The following CISD1 variants were observed in gnomAD, a reference collection of about 807,000 sequenced individuals.
The protein encoded by CISD1 is CDGSH iron sulfur domain 1, also known as CDGSH iron-sulfur domain-containing protein 1.
In CISD1, 8 loss-of-function variants were observed where a neutral mutation model predicts 12.0. The ratio of observed to expected loss-of-function variants is 0.67; its 90% CI spans 0.39 to 1.20. The LOEUF is 1.20. Ranked by LOEUF, CISD1 falls within the 50% of genes most tolerant of loss-of-function variation. The probability of loss-of-function intolerance (pLI) is 0.01; values close to 1 mark genes in which losing one functional copy is unlikely to be tolerated. For missense variants in CISD1, 107 were observed against 132.7 expected (o/e 0.81, Z 0.95); for synonymous variants, 38 against 42.2 (o/e 0.90, Z 0.39).
At chr10:58,274,305 A>G (rs912504972) in intron 1 of CISD1, among the ~76,000 whole-genome samples, 1 of 151,712 alleles carries the variant, frequency 6.6e-6, no homozygotes, top group Non-Finnish European at 1.5e-5. Context: ...CTAATTGTTG[A>G]TTTTTGGACC....
At chr10:58,285,462 C>T (rs887480504) in intron 2 of CISD1, among the ~76,000 whole-genome samples, 2 of 152,174 alleles carry the variant, frequency 1.3e-5, no homozygotes, top group African/African-American at 4.8e-5. Flanking sequence ...CTTTACTCTT[C>T]TAAATAGGCT....
At chr10:58,286,306 T>C (rs1357935773) in intron 2 of CISD1, among the ~76,000 whole-genome samples, 1 of 152,028 alleles carries the variant, frequency 6.6e-6, no homozygotes, top group Admixed American at 6.5e-5. Context: ...AGTAGGCCGA[T>C]CAACGTAACA....
chr10:58,278,686 A>G (rs1839342156), intron 2 of CISD1, among the ~76,000 whole-genome samples: 1 of 152,238 alleles, frequency 6.6e-6, no homozygotes, highest in African/African-American at 2.4e-5. Flanking sequence ...ACTTGTCACA[A>G]ATATGGAAGA....
chr10:58,269,358 C>T (rs907836482), intron 1 of CISD1, 54 bp downstream of exon 1: 21 of 1,543,042 alleles, frequency 1.4e-5, no homozygotes, highest in Admixed American at 8.6e-5. Context: ...GGTTGCCGCG[C>T]CCGCAGTTCG....
chr10:58,277,300 G>A lies in CISD1; in HGVS notation c.215G>A (p.Cys72Tyr), dbSNP rs1839326197. Residue 72 changes from cysteine to tyrosine, a missense_variant, in exon 2 of 3, where the codon TGC becomes TAC. Coordinates refer to ENST00000333926, the MANE Select transcript of CISD1 (RefSeq NM_018464.5). ...MEDLGDKAVY[C>Y]RCWRSKKFPF... ...GATTTGGGAGATAAAGCTGTGTACT[G>A]CCGTTGTTGGAGGTCCAAAAAGGTG... is the stretch of plus-strand genomic sequence containing the variant. 6.3e-7 allele frequency: 1 copy of A among 1,592,802 alleles called. No homozygotes were observed. The highest frequency in any genetic ancestry group is 8.5e-7 in the Non-Finnish European group (1 of 1,170,882).
At position 58,287,551 on chromosome 10, in the gene CISD1, C is replaced by T. The variant is rs755481995; in HGVS notation, c.238-10C>T. Reference sequence around the variant, plus strand: ...ATTAGATGTTTCACATTCATTCTTTCTCTTCCTAGTTCCCATTCTGTGATG... The same window carrying T: ...ATTAGATGTTTCACATTCATTCTTTTTCTTCCTAGTTCCCATTCTGTGATG... On this transcript the variant is annotated splice_polypyrimidine_tract_variant and intron_variant, in intron 2 of 2. Transcript: ENST00000333926. 8.2e-6 allele frequency: 13 copies of T among 1,588,054 alleles called. No individual in the cohort carries two copies. Among genetic ancestry groups the T allele is most frequent in the South Asian group, 1.1e-5 (1 of 88,166 alleles).
Position 58,272,976 on chromosome 10 carries a change from G to A in CISD1, c.31+3672G>A, listed in dbSNP as rs556459407. ...CTATAGACTGGCCAAATTGATGGTG[G>A]TTAGAGCTAATTGAGGGTAAATGGG... On this transcript the variant is annotated intron_variant, in intron 1 of 2. Transcript: ENST00000333926. 2.6e-5 allele frequency among the ~76,000 whole-genome samples: 4 copies of A among 152,218 alleles called. No homozygotes were observed. The South Asian group carries it at 8.3e-4, about 32-fold the overall frequency.
At chr10:58,287,174 A>G (rs899393218) in intron 2 of CISD1, among the ~76,000 whole-genome samples, 2 of 151,820 alleles carry the variant, frequency 1.3e-5, no homozygotes, top group East Asian at 1.9e-4. Flanking sequence ...ACCCACCTCA[A>G]CCTCCCAAAG....
At chr10:58,284,515 A>G (rs867650159) in intron 2 of CISD1, among the ~76,000 whole-genome samples, 19 of 152,324 alleles carry the variant, frequency 1.2e-4, no homozygotes, top group African/African-American at 4.6e-4. Flanking sequence ...ATACACTTTA[A>G]TCGCATGAAA....
intron 2 of CISD1, among the ~76,000 whole-genome samples, chr10:58,286,031 C>T (rs1409432333): frequency 6.6e-6 from 1 of 151,788 alleles, no homozygotes; most frequent in African/African-American, 2.4e-5. Flanking sequence ...CGGTGAAACC[C>T]CGTCTCTACT....
At chr10:58,274,692 G>C (rs1210050332) in intron 1 of CISD1, among the ~76,000 whole-genome samples, 1 of 152,008 alleles carries the variant, frequency 6.6e-6, no homozygotes. Flanking sequence ...CCATGGGGCA[G>C]CTAGTCTTGG....
At chr10:58,271,599 A>G (rs1055891995) in intron 1 of CISD1, among the ~76,000 whole-genome samples, 2 of 152,240 alleles carry the variant, frequency 1.3e-5, no homozygotes, top group Non-Finnish European at 2.9e-5. Flanking sequence ...TGGGGGAAAG[A>G]TATCATGTCT....
intron 1 of CISD1, among the ~76,000 whole-genome samples, chr10:58,272,962 C>T (rs1839265918): frequency 6.6e-6 from 1 of 151,914 alleles, no homozygotes; most frequent in Admixed American, 6.6e-5. Context: ...TATAGACTGG[C>T]CAAATTGATG....
intron 2 of CISD1, among the ~76,000 whole-genome samples, chr10:58,280,151 A>C (rs1486733241): frequency 6.6e-6 from 1 of 152,218 alleles, no homozygotes; most frequent in East Asian, 1.9e-4. Flanking sequence ...ATGAATAAAG[A>C]ATCTAGTCTG....
chr10:58,272,599 G>T (rs1385841436), intron 1 of CISD1, among the ~76,000 whole-genome samples: 1 of 152,118 alleles, frequency 6.6e-6, no homozygotes, highest in Admixed American at 6.6e-5. Context: ...AAAAGGGATA[G>T]CTCCTATAAG....
chr10:58,271,645 T>C (rs1839250922), intron 1 of CISD1, among the ~76,000 whole-genome samples: 1 of 152,170 alleles, frequency 6.6e-6, no homozygotes, highest in African/African-American at 2.4e-5. Flanking sequence ...TATAAAGGGT[T>C]TAGAATGATA....
At chr10:58,272,268 C>A (rs1297982491) in intron 1 of CISD1, among the ~76,000 whole-genome samples, 2 of 149,354 alleles carry the variant, frequency 1.3e-5, no homozygotes, top group African/African-American at 4.9e-5. Context: ...TTTTGAAAGG[C>A]ATCCCTTAAC....
intron 2 of CISD1, among the ~76,000 whole-genome samples, chr10:58,283,956 G>T: frequency 6.6e-6 from 1 of 151,982 alleles, no homozygotes; most frequent in East Asian, 1.9e-4. Flanking sequence ...AATATTCTTT[G>T]TGTTTTTTTC....
intron 2 of CISD1, among the ~76,000 whole-genome samples, chr10:58,283,965 T>C (rs1839400631): frequency 6.6e-6 from 1 of 152,206 alleles, no homozygotes; most frequent in South Asian, 2.1e-4. Flanking sequence ...TGTGTTTTTT[T>C]CATAATTTAA....
Sources: allele counts gnomAD v4.1 joint callset (sites outside exome capture counted in the v4.1 genomes callset), GRCh38; gene constraint gnomAD v4.1.1; transcripts MANE v1.5; gene names NCBI Gene and HGNC (gene_info 2026-07-23, HGNC 2026-07-21).